DYRK4: variants seen among roughly 807,000 people sequenced by gnomAD.
The protein encoded by DYRK4 is dual specificity tyrosine-phosphorylation-regulated kinase 4.
A neutral mutation model predicts 68.3 loss-of-function variants in DYRK4; 64 were observed. The observed-to-expected ratio is 0.94, with a 90% CI of 0.77 to 1.15. DYRK4 has a LOEUF of 1.15. Ranked by LOEUF, DYRK4 falls within the 50% of genes most tolerant of loss-of-function variation. The pLI is 0.00. For synonymous variants in DYRK4, 274 were observed against 289.9 expected, an observed-to-expected ratio of 0.95 and a Z score of 0.56; for missense variants, 740 against 764.7, an observed-to-expected ratio of 0.97 and a Z score of 0.38.
chr12:4,610,338 T>C, intron 13 of DYRK4, 54 bp downstream of exon 13: 1 of 1,453,988 alleles, frequency 6.9e-7, no homozygotes. Context: ...TGCTGTACTT[T>C]GACACACGTT....
At chr12:4,574,952 T>G (rs1256216704) in intron 2 of DYRK4, among the ~76,000 whole-genome samples, 1 of 152,202 alleles carries the variant, frequency 6.6e-6, no homozygotes, top group Non-Finnish European at 1.5e-5. Context: ...ACTCCTGACC[T>G]CGAGTGATCC....
intron 1 of DYRK4, among the ~76,000 whole-genome samples, chr12:4,564,695 A>G (rs1944659794): frequency 6.6e-6 from 1 of 152,244 alleles, no homozygotes. Context: ...TGCTTAGCCC[A>G]GTAGCTGGCA....
At chr12:4,598,521 C>T (rs1361396072) in intron 8 of DYRK4, among the ~76,000 whole-genome samples, 1 of 152,262 alleles carries the variant, frequency 6.6e-6, no homozygotes, top group Non-Finnish European at 1.5e-5. Context: ...GCTTTCATTT[C>T]TCAAAGGAGC....
chr12:4,607,178 G>A, intron 11 of DYRK4, 149 bp from the exon 12 acceptor site: 1 of 781,076 alleles, frequency 1.3e-6, no homozygotes, highest in Admixed American at 2.4e-5. Context: ...CCAGGCTCTG[G>A]GTTTGCTCTG....
At position 4,608,456 on chromosome 12, in the gene DYRK4, C is replaced by T. The variant is rs148122810; in HGVS notation, c.1360+1069C>T. ...TCAGTAGGAAGGTCCAAAACACTCT[C>T]GTGGGGAGATCCTTTAGGATAAAAG... On this transcript the variant is annotated intron_variant, in intron 12 of 14. Transcript: ENST00000543431. Among the ~76,000 whole-genome samples the T allele has an allele frequency of 7.1e-3, 1,076 of 152,236 alleles. 8 individuals carry two copies. Among genetic ancestry groups the T allele is most frequent in the Non-Finnish European group, 0.011 (718 of 68,004 alleles).
chr12:4,591,014 C>G lies in DYRK4; in HGVS notation c.325-146C>G, dbSNP rs1944948207. 1.1e-6 allele frequency: 1 copy of G among 925,538 alleles called. No homozygotes were observed. The highest frequency in any genetic ancestry group is 1.7e-5 in the African/African-American group (1 of 59,854). 57.3% of individuals were successfully genotyped at this position (925,538 alleles called of 1,614,324 possible). ...TCCTTTGGGAGAGAGGTAGGGAGAA[C>G]CTTCTGTCTCTTAATCGCTGTTTTC... On this transcript the variant is annotated intron_variant, in intron 4 of 14. Coordinates refer to ENST00000543431, the MANE Select transcript of DYRK4 (RefSeq NM_001394779.1). This position sits in a 1 kb window ranked among gnomAD's most constrained non-coding sequence, Gnocchi z 4.1.
In DYRK4 at chr12:4,567,981, G is replaced by A. The variant is rs1454354849; in HGVS notation, c.65G>A (p.Arg22Lys). 1 of 1,535,970 alleles carries A rather than the reference G, an allele frequency of 6.5e-7. No homozygotes were observed. Among genetic ancestry groups the A allele is most frequent in the Non-Finnish European group, 8.7e-7 (1 of 1,146,904 alleles). The part of the protein sequence containing the change: ...TKTQMDAKKP[R>K]KCDLTPFLVL... ...ACTCAAATGGATGCTAAAAAGCCAA[G>A]GAAATGTGATTTGACTCCCTTCCTG... The change falls in exon 2 of 15, where the codon AGG becomes AAG. Residue 22 changes from arginine (R) to lysine (K), a missense_variant. Physicochemically the swap from Arg to Lys is conservative, Grantham distance 26. This residue lies in a region of DYRK4 where 70 missense variants were observed against 71.1 expected (regional missense o/e 0.98). Coordinates refer to ENST00000543431, the MANE Select transcript of DYRK4 (RefSeq NM_001394779.1).
chr12:4,612,427 A>G (rs1004553054), intron 13 of DYRK4, 116 bp from the exon 14 acceptor site: 32 of 1,089,170 alleles, frequency 2.9e-5, no homozygotes, highest in East Asian at 7.9e-5. Flanking sequence ...CTATGATTAT[A>G]TATCTTTGAG....
intron 2 of DYRK4, among the ~76,000 whole-genome samples, chr12:4,580,502 G>C (rs150516885): frequency 6.6e-6 from 1 of 152,164 alleles, no homozygotes; most frequent in Non-Finnish European, 1.5e-5. Flanking sequence ...AGCAGCCAGG[G>C]TAGCTTAATC....
rs12300975 is a variant in DYRK4 at position 4,567,893 on chromosome 12, T to C, written c.39-62T>C. On this transcript the variant is annotated intron_variant, in intron 1 of 14. Transcript: ENST00000543431. Reference sequence around the variant, plus strand: ...GCCTGCTTTCTTCTGTCCCTGAGTGTGTGGGCCATTACTTAGATTTGACTC... The same window carrying C: ...GCCTGCTTTCTTCTGTCCCTGAGTGCGTGGGCCATTACTTAGATTTGACTC... 5,107 of 1,350,672 alleles carry C rather than the reference T, an allele frequency of 3.8e-3. 151 individuals carry two copies. In the African/African-American group the frequency reaches 0.061, roughly 16 times the overall value. The allele number at this position is 1,350,672 out of a possible 1,614,324, so 83.7% of individuals were successfully genotyped here. A position where few individuals can be genotyped will look rare whatever the true frequency, so the allele number is the denominator to read the frequency against.
intron 8 of DYRK4, 62 bp from the exon 9 acceptor site, chr12:4,598,954 ATTGTTTGCAGGT>A: frequency 1.9e-6 from 3 of 1,551,820 alleles, no homozygotes; most frequent in Non-Finnish European, 2.6e-6. Flanking sequence ...GTGATACAAG[ATTGTTTGCAGGT>A]TCAAACTCAG....
At chr12:4,571,134 C>G (rs7957831) in intron 2 of DYRK4, among the ~76,000 whole-genome samples, 68,388 of 152,032 alleles carry the variant, frequency 0.45, 15,720 homozygotes, top group Middle Eastern at 0.49. Context: ...AGGATCACAG[C>G]TTAGGCTATG....
At chr12:4,597,358 CAG>C (rs1379485520) in intron 8 of DYRK4, among the ~76,000 whole-genome samples, 5 of 152,240 alleles carry the variant, frequency 3.3e-5, no homozygotes, top group African/African-American at 1.2e-4. Context: ...GGTGAGCTCT[CAG>C]AGTGTTACTG....
intron 2 of DYRK4, among the ~76,000 whole-genome samples, chr12:4,575,501 G>T (rs1417444167): frequency 6.6e-6 from 1 of 151,940 alleles, no homozygotes; most frequent in Admixed American, 6.6e-5. Flanking sequence ...AGTAGAGACG[G>T]GGTTTCACTA....
chr12:4,601,634 C>A (rs1366774777), intron 10 of DYRK4, among the ~76,000 whole-genome samples: 2 of 152,090 alleles, frequency 1.3e-5, no homozygotes, highest in Admixed American at 6.6e-5. Context: ...AGGATTTGCA[C>A]CACACTGTTA....
intron 2 of DYRK4, among the ~76,000 whole-genome samples, chr12:4,579,863 A>T (rs529293318): frequency 6.6e-6 from 1 of 152,066 alleles, no homozygotes; most frequent in East Asian, 1.9e-4. Flanking sequence ...ATCCCTTGTC[A>T]CCCGGTTTCC....
At chr12:4,602,695 A>G (rs1262057662) in intron 10 of DYRK4, 40 of 1,455,856 alleles carry the variant, frequency 2.7e-5, no homozygotes, top group Middle Eastern at 2.0e-4. Flanking sequence ...TGCATTATTA[A>G]TGGGAGGCAA....
chr12:4,612,695 G>A lies in DYRK4; in HGVS notation c.1643G>A (p.Gly548Asp), dbSNP rs1945237236. Residue 548 changes from glycine to aspartate, a missense_variant, in exon 14 of 15, where the codon GGC becomes GAC. Around this residue, in one of 3 missense-constraint regions of DYRK4, gnomAD observed 614 missense variants for 603.7 expected, o/e 1.02. Transcript: ENST00000543431. ...GAGACAAGGAAGGACAAGGTTCAAG[G>A]CTGTCATCACTCGAGCAGAAAAGGT... ...PSETRKDKVQ[G>D]CHHSSRKDEI... The A allele has an allele frequency of 6.2e-7, 1 of 1,613,976 alleles. No homozygotes were observed. The highest frequency in any genetic ancestry group is 1.7e-5 in the Admixed American group (1 of 59,988).
intron 2 of DYRK4, among the ~76,000 whole-genome samples, chr12:4,586,296 AC>A (rs1479912639): frequency 6.6e-6 from 1 of 151,844 alleles, no homozygotes; most frequent in Non-Finnish European, 1.5e-5. Flanking sequence ...CACAGGAAGC[AC>A]CCCCCTGCTC....
Sources: gnomAD v4.1 joint callset for allele counts (sites outside exome capture counted in the v4.1 genomes callset) on GRCh38, gnomAD v4.1.1 for gene constraint, gnomAD v4.1.1 regional missense constraint, Gnocchi (gnomAD v3.1) non-coding constraint, MANE v1.5 for transcripts, NCBI Gene and HGNC (gene_info 2026-07-23, HGNC 2026-07-21) for gene names.